The following EXOC1 variants were observed in gnomAD, a reference collection of about 807,000 sequenced individuals.
EXOC1 encodes the protein exocyst complex component 1.
In EXOC1, 67 loss-of-function variants were observed where a neutral mutation model predicts 107.7. That is an observed-to-expected ratio of 0.62 (90% CI 0.51 to 0.76). The LOEUF is 0.76. EXOC1 is among the 30% of genes least tolerant of loss of function. EXOC1 has a pLI of 0.00. For synonymous variants in EXOC1, 348 were observed against 353.5 expected (o/e 0.98, Z 0.17); for missense variants, 833 against 1,055.7 (o/e 0.79, Z 2.92).
chr4:55,889,352 T>A (rs995189193), intron 11 of EXOC1, among the ~76,000 whole-genome samples: 5 of 152,200 alleles, frequency 3.3e-5, no homozygotes, highest in African/African-American at 7.2e-5. Context: ...AGGATGTTTT[T>A]AAAATATATT....
intron 5 of EXOC1, among the ~76,000 whole-genome samples, chr4:55,870,376 T>C (rs1420395532): frequency 2.0e-5 from 3 of 152,236 alleles, no homozygotes; most frequent in African/African-American, 7.2e-5. Context: ...TGATACTTTC[T>C]GGCACCTTAC....
Position 55,893,571 on chromosome 4 carries a change from A to T in EXOC1, c.1744A>T (p.Met582Leu). Residue 582 changes from methionine to leucine, a missense_variant, in exon 15 of 19, where the codon ATG becomes TTG. By Grantham distance (15) the Met-to-Leu change is conservative. Coordinates refer to ENST00000381295, the MANE Select transcript of EXOC1 (RefSeq NM_001024924.2). ...VSSEKDMIRQ[M>L]MIKIFRCIEP... ...GAACAGGAAAGATATGATCCGCCAA[A>T]TGATGATTAAAATATTTCGCTGCAT... The T allele has an allele frequency of 6.2e-7, 1 of 1,613,516 alleles. No homozygotes were observed. Among genetic ancestry groups the T allele is most frequent in the Non-Finnish European group, 8.5e-7 (1 of 1,179,966 alleles).
At position 55,864,477 on chromosome 4, in the gene EXOC1, ATTATC is replaced by A. The variant is rs149190087; in HGVS notation, c.415+97_415+101del. On this transcript the variant is annotated intron_variant, in intron 4 of 18. Coordinates refer to ENST00000381295, the MANE Select transcript of EXOC1 (RefSeq NM_001024924.2). ...TCATTCAAATTAATTAGAATACTGA[ATTATC>A]TTATCGTAAAAGAACTTTAAAATAA... 1,200 of 1,121,968 alleles carry A rather than the reference ATTATC, an allele frequency of 1.1e-3. 8 individuals are homozygous for A. The African/African-American group carries it at 0.014, about 13-fold the overall frequency. 69.5% of individuals were successfully genotyped at this position (1,121,968 alleles called of 1,614,324 possible).
At chr4:55,855,472 G>A (rs767201805) in intron 1 of EXOC1, among the ~76,000 whole-genome samples, 3 of 152,176 alleles carry the variant, frequency 2.0e-5, no homozygotes, top group African/African-American at 7.2e-5. Flanking sequence ...GTGAATTTAA[G>A]CATTTGTTAA....
In EXOC1 at chr4:55,892,678, A is replaced by C. The variant is rs752429412; in HGVS notation, c.1691A>C (p.His564Pro). The C allele has an allele frequency of 1.2e-6, 2 of 1,614,148 alleles. No homozygotes were observed. The highest frequency in any genetic ancestry group is 1.7e-6 in the Non-Finnish European group (2 of 1,180,004). The change falls in exon 14 of 19, where the codon CAT becomes CCT. Residue 564 changes from histidine (H) to proline (P), a missense_variant. Coordinates refer to ENST00000381295, the MANE Select transcript of EXOC1 (RefSeq NM_001024924.2). ...GATGGAGGAACATTATCACGGCAAC[A>C]TAATTGTGGCACACCACTGCCTGTT... ...DLDGGTLSRQHNCGTPLPVSS... is the reference protein window; with the variant it reads ...DLDGGTLSRQPNCGTPLPVSS...
intron 17 of EXOC1, 61 bp downstream of exon 17, chr4:55,899,945 A>G (rs1560366471): frequency 7.2e-7 from 1 of 1,382,362 alleles, no homozygotes; most frequent in Non-Finnish European, 9.9e-7. Flanking sequence ...AAGTTTGCAT[A>G]TGAATAACCT....
chr4:55,902,612 A>G lies in EXOC1; in HGVS notation c.2532+74A>G, dbSNP rs968550337. 3.2e-6 allele frequency: 4 copies of G among 1,235,646 alleles called. No homozygotes were observed. The African/African-American group carries it at 6.3e-5, about 19-fold the overall frequency. 76.5% of individuals were successfully genotyped at this position (1,235,646 alleles called of 1,614,324 possible). A position where few individuals can be genotyped will look rare whatever the true frequency, so the allele number is the denominator to read the frequency against. Reference sequence around the variant, plus strand: ...TGCTTTTCTTTAAATAATTTTCTAGAAATGCTACAGATCTAGAGCAGGAGG... The same window carrying G: ...TGCTTTTCTTTAAATAATTTTCTAGGAATGCTACAGATCTAGAGCAGGAGG... On this transcript the variant is annotated intron_variant, in intron 18 of 18. Coordinates refer to ENST00000381295, the MANE Select transcript of EXOC1 (RefSeq NM_001024924.2).
chr4:55,876,732 TA>T (rs1278777577), intron 8 of EXOC1: 1 of 985,284 alleles, frequency 1.0e-6, no homozygotes, highest in Non-Finnish European at 1.2e-6. Flanking sequence ...TTAACCTAAG[TA>T]GATATCAGTA....
chr4:55,870,987 T>C, intron 6 of EXOC1, 82 bp downstream of exon 6: 1 of 1,546,020 alleles, frequency 6.5e-7, no homozygotes, highest in South Asian at 1.2e-5. Context: ...TTAATTTCCT[T>C]GTGAGAACAG....
At position 55,883,831 on chromosome 4, in the gene EXOC1, G is replaced by A. The variant is rs1268897701; in HGVS notation, c.1233G>A (p.Met411Ile). 7 of 1,572,314 alleles carry A rather than the reference G, an allele frequency of 4.5e-6. No homozygotes were observed. In the Admixed American group the frequency reaches 1.3e-4, roughly 30 times the overall value. The change falls in exon 10 of 19, where the codon ATG becomes ATA. Residue 411 changes from methionine (M) to isoleucine (I), a missense_variant. Physicochemically the swap from Met to Ile is conservative, Grantham distance 10. Transcript: ENST00000381295. ...GTTACTTTTATTTTAAGAATTACAT[G>A]GATTATTTATCCCGACTATATGAAA... Reference protein sequence around the residue: ...GKYEGLTKNYMDYLSRLYERE... With the variant: ...GKYEGLTKNYIDYLSRLYERE...
At chr4:55,866,866 C>G in intron 4 of EXOC1, 1 of 985,280 alleles carries the variant, frequency 1.0e-6, no homozygotes, top group Non-Finnish European at 1.2e-6. Context: ...ACTTTTTACT[C>G]TCCAGAACTG....
chr4:55,893,546 G>T lies in EXOC1; in HGVS notation c.1725-6G>T. ...ACTTTATACTTCTTGTCTGTTTTCT[G>T]AACAGGAAAGATATGATCCGCCAAA... On this transcript the variant is annotated splice_polypyrimidine_tract_variant and splice_region_variant and intron_variant, in intron 14 of 18. Coordinates refer to ENST00000381295, the MANE Select transcript of EXOC1 (RefSeq NM_001024924.2). 6.2e-7 allele frequency: 1 copy of T among 1,610,706 alleles called. No individual in the cohort carries two copies. Among genetic ancestry groups the T allele is most frequent in the South Asian group, 1.1e-5 (1 of 90,690 alleles).
chr4:55,886,217 A>G (rs915249993), intron 10 of EXOC1, among the ~76,000 whole-genome samples: 5 of 152,040 alleles, frequency 3.3e-5, no homozygotes, highest in African/African-American at 1.2e-4. Flanking sequence ...TGTTCAATGC[A>G]TTTTCTCTTT....
chr4:55,866,505 A>G, intron 4 of EXOC1, among the ~76,000 whole-genome samples: 1 of 152,158 alleles, frequency 6.6e-6, no homozygotes, highest in Non-Finnish European at 1.5e-5. Context: ...TTGGGCCTTA[A>G]GTAACATAAC....
chr4:55,876,392 TA>T, intron 8 of EXOC1: 1 of 760,628 alleles, frequency 1.3e-6, no homozygotes, highest in Non-Finnish European at 1.6e-6. Flanking sequence ...CAATACAGTA[TA>T]TATACTGTAT....
At chr4:55,857,891 C>T (rs565717526) in intron 1 of EXOC1, among the ~76,000 whole-genome samples, 20 of 152,280 alleles carry the variant, frequency 1.3e-4, no homozygotes, top group African/African-American at 4.8e-4. Context: ...TCCCTAGTGG[C>T]CAGTGATGTT....
chr4:55,899,502 T>C (rs1420589092), intron 16 of EXOC1, among the ~76,000 whole-genome samples, 183 bp from the exon 17 acceptor site: 1 of 152,142 alleles, frequency 6.6e-6, no homozygotes, highest in Non-Finnish European at 1.5e-5. Context: ...GGGACTGTTT[T>C]AGGATGACTT....
intron 2 of EXOC1, among the ~76,000 whole-genome samples, chr4:55,860,130 T>C (rs1397714258): frequency 1.3e-5 from 2 of 152,246 alleles, no homozygotes; most frequent in East Asian, 3.8e-4. Flanking sequence ...ATGTCAATCA[T>C]TCTTTAGATT....
In EXOC1 at chr4:55,868,263, C is replaced by T. The variant is rs1722130081; in HGVS notation, c.416-73C>T. The T allele has an allele frequency of 2.4e-6, 3 of 1,274,642 alleles. No individual in the cohort carries two copies. In the South Asian group the frequency reaches 5.3e-5, roughly 23 times the overall value. 79.0% of individuals were successfully genotyped at this position (1,274,642 alleles called of 1,614,324 possible). On this transcript the variant is annotated intron_variant, in intron 4 of 18. Transcript: ENST00000381295. ...ATGTGACCTGTGCTTATAACTATAC[C>T]TACCTATATGTATTATGTTATAGTC...
Sources: allele counts gnomAD v4.1 joint callset (sites outside exome capture counted in the v4.1 genomes callset), GRCh38; gene constraint gnomAD v4.1.1; transcripts MANE v1.5; gene names NCBI Gene and HGNC (gene_info 2026-07-23, HGNC 2026-07-21).